The following NAV2 variants were observed in gnomAD, a reference collection of about 807,000 sequenced individuals.
NAV2 encodes the protein helicase, APC down-regulated 1.
In NAV2, 54 loss-of-function variants were observed where a neutral mutation model predicts 223.2. The observed-to-expected ratio is 0.24, with a 90% CI of 0.19 to 0.30. The LOEUF (loss-of-function observed/expected upper bound fraction) is 0.30, where lower values mean the gene tolerates loss of function less well. NAV2 is among the 10% of genes least tolerant of loss of function. The pLI is 1.00. For missense variants in NAV2, 2,806 were observed against 3,147.5 expected (o/e 0.89, Z 2.60); for synonymous variants, 1,279 against 1,239.3 (o/e 1.03, Z -0.67).
chr11:19,928,860 T>A (rs1243657949), intron 6 of NAV2, among the ~76,000 whole-genome samples: 1 of 152,130 alleles, frequency 6.6e-6, no homozygotes, highest in Non-Finnish European at 1.5e-5. Flanking sequence ...AAGTTCAAGG[T>A]CCAGCCTACC....
At chr11:19,935,580 T>C (rs2045774402) in intron 7 of NAV2, among the ~76,000 whole-genome samples, 2 of 152,172 alleles carry the variant, frequency 1.3e-5, no homozygotes, top group Admixed American at 1.3e-4. Context: ...TTACAGTTCC[T>C]GCCAATAGCT....
At chr11:20,100,795 G>A in intron 31 of NAV2, 142 bp from the exon 32 acceptor site, 3 of 659,408 alleles carry the variant, frequency 4.5e-6, no homozygotes, top group Non-Finnish European at 8.0e-6. Flanking sequence ...AGCCTCCAGT[G>A]TTCCTGGGTG....
At chr11:19,834,081 G>A (rs1230333827) in intron 2 of NAV2, among the ~76,000 whole-genome samples, 1 of 152,200 alleles carries the variant, frequency 6.6e-6, no homozygotes, top group Non-Finnish European at 1.5e-5. Flanking sequence ...TACACTCAAA[G>A]GGGACAGGAT....
intron 1 of NAV2, among the ~76,000 whole-genome samples, chr11:19,362,361 A>G (rs1590052510): frequency 6.6e-6 from 1 of 152,154 alleles, no homozygotes; most frequent in East Asian, 1.9e-4. Context: ...GTGTCTTTAA[A>G]TTGACTCATT....
At chr11:20,058,221 T>A (rs1265305566) in intron 19 of NAV2, among the ~76,000 whole-genome samples, 1 of 152,218 alleles carries the variant, frequency 6.6e-6, no homozygotes, top group African/African-American at 2.4e-5. Flanking sequence ...AGAACCTCCT[T>A]GTAATAATCA....
intron 1 of NAV2, among the ~76,000 whole-genome samples, chr11:19,644,068 G>A (rs61876697): frequency 3.0e-4 from 2 of 6,570 alleles, no homozygotes; most frequent in African/African-American, 3.3e-4. Context: ...CTCTGTGTGC[G>A]TGTGTGCATG....
At chr11:19,674,604 A>G (rs565304141) in intron 1 of NAV2, among the ~76,000 whole-genome samples, 2 of 152,314 alleles carry the variant, frequency 1.3e-5, no homozygotes, top group Middle Eastern at 6.8e-3. Flanking sequence ...AGGAATCTCA[A>G]TGGCTATGTG....
intron 5 of NAV2, 47 bp from the exon 6 acceptor site, chr11:19,892,387 T>C (rs770934617): frequency 2.1e-5 from 33 of 1,584,028 alleles, no homozygotes; most frequent in Non-Finnish European, 2.8e-5. Flanking sequence ...TACACACTGT[T>C]ATTCTTCTGA....
At position 19,684,546 on chromosome 11, in the gene NAV2, A is replaced by G. The variant is rs117066881; in HGVS notation, c.76-147938A>G. Among the ~76,000 whole-genome samples, 367 of 152,126 alleles carry G rather than the reference A, an allele frequency of 2.4e-3. 2 individuals carry two copies. Among genetic ancestry groups the G allele is most frequent in the Non-Finnish European group, 4.2e-3 (284 of 67,984 alleles). ...ACTACCTAAATGCTGATTATCACCA[A>G]ACTTGGTGCTTTTTGAGCTGCTACT... On this transcript the variant is annotated intron_variant, in intron 1 of 37. Transcript: ENST00000360655.
chr11:19,581,477 G>A (rs537783894), intron 1 of NAV2, among the ~76,000 whole-genome samples: 5 of 152,140 alleles, frequency 3.3e-5, no homozygotes, highest in South Asian at 2.1e-4. Context: ...CCGTTAACTC[G>A]TCATTTAACA....
intron 12 of NAV2, 179 bp from the exon 13 acceptor site, chr11:20,043,802 C>CAA (rs374421095): frequency 1.7e-4 from 74 of 445,268 alleles, no homozygotes; most frequent in African/African-American, 3.5e-4. Context: ...TTTTTTTTTC[C>CAA]AAAAAAAAAA....
In NAV2 at chr11:19,686,312, C is replaced by G. The variant is rs190502730; in HGVS notation, c.76-146172C>G. 5.3e-5 allele frequency among the ~76,000 whole-genome samples: 8 copies of G among 152,328 alleles called. No individual in the cohort carries two copies. In the East Asian group the frequency reaches 1.5e-3, roughly 29 times the overall value. On this transcript the variant is annotated intron_variant, in intron 1 of 37. Transcript: ENST00000360655. ...GAATCAACCTTCTCCATCCCTCCCC[C>G]TCCCAGACTGGGAGCTCCAGGAAGG...
chr11:19,693,385 G>A (rs1172304691), intron 1 of NAV2, among the ~76,000 whole-genome samples: 4 of 152,200 alleles, frequency 2.6e-5, no homozygotes, highest in Non-Finnish European at 4.4e-5. Context: ...CTCCAACCAG[G>A]AGTGCCATGC....
intron 6 of NAV2, among the ~76,000 whole-genome samples, chr11:19,899,120 C>G (rs1565520314): frequency 6.6e-6 from 1 of 152,144 alleles, no homozygotes; most frequent in South Asian, 2.1e-4. Flanking sequence ...CTGATGGGAG[C>G]GCCATCCGTG....
chr11:19,474,271 T>C (rs540073260), intron 1 of NAV2, among the ~76,000 whole-genome samples: 7 of 152,202 alleles, frequency 4.6e-5, no homozygotes, highest in Non-Finnish European at 1.0e-4. Flanking sequence ...AGTGGCATCG[T>C]TTGTGAGAGT....
chr11:20,074,160 A>G (rs2059577119), intron 22 of NAV2, among the ~76,000 whole-genome samples: 1 of 152,242 alleles, frequency 6.6e-6, no homozygotes, highest in African/African-American at 2.4e-5. Flanking sequence ...TTCAAAGAAC[A>G]TCTTTATTTC....
At chr11:19,741,675 A>T (rs917896080) in intron 1 of NAV2, among the ~76,000 whole-genome samples, 1 of 79,610 alleles carries the variant, frequency 1.3e-5, no homozygotes, top group Non-Finnish European at 2.6e-5. Context: ...TGTATGTATC[A>T]TGTGTGTGTG....
chr11:20,086,021 G>A (rs899548304), intron 26 of NAV2, among the ~76,000 whole-genome samples: 10 of 152,234 alleles, frequency 6.6e-5, no homozygotes, highest in African/African-American at 2.4e-4. Context: ...GGAGCCTGAT[G>A]TAGAAACAGG....
intron 1 of NAV2, among the ~76,000 whole-genome samples, chr11:19,490,332 C>T (rs1476379061): frequency 1.3e-5 from 2 of 152,152 alleles, no homozygotes; most frequent in Non-Finnish European, 2.9e-5. Context: ...GCATGTGATG[C>T]TATTTGATAG....
Sources: allele counts gnomAD v4.1 joint callset (sites outside exome capture counted in the v4.1 genomes callset), GRCh38; gene constraint gnomAD v4.1.1; transcripts MANE v1.5; gene names NCBI Gene and HGNC (gene_info 2026-07-23, HGNC 2026-07-21).